MSH3: variants seen among roughly 807,000 people sequenced by gnomAD.
The protein encoded by MSH3 is DNA mismatch repair protein Msh3.
In MSH3, 106 loss-of-function variants were observed where a neutral mutation model predicts 123.3. The ratio of observed to expected loss-of-function variants is 0.86; its 90% CI spans 0.73 to 1.01. MSH3 has a LOEUF of 1.01. MSH3 is among the 50% of genes least tolerant of loss of function. MSH3 has a pLI of 0.00. For synonymous variants in MSH3, 515 were observed against 481.4 expected (o/e 1.07, Z -0.91); for missense variants, 1,459 against 1,347.6 (o/e 1.08, Z -1.29).
rs1360794165 is a variant in MSH3, at chr5:80,761,610, C to T, written c.1828C>T (p.Gln610Ter). 1 of 1,613,910 alleles carries T rather than the reference C, an allele frequency of 6.2e-7. No homozygotes were observed. ...VLHSESSVFG[Q>*]IENHLRKLPD... ...CCATTCAGAATCTAGTGTGTTTGGT[C>T]AGATAGAAAATCATCTACGTAAATT... is the stretch of plus-strand genomic sequence containing the variant. Residue 610 changes from glutamine to a stop codon, truncating the protein, a stop_gained, in exon 13 of 24, where the codon CAG (glutamine) becomes TAG (stop). Transcript: ENST00000265081. LOFTEE classifies it high-confidence loss of function.
At chr5:80,685,381 G>C (rs138633985) in intron 8 of MSH3, among the ~76,000 whole-genome samples, 1 of 151,506 alleles carries the variant, frequency 6.6e-6, no homozygotes, top group African/African-American at 2.4e-5. Flanking sequence ...GGATTTCTTC[G>C]TGGTTCAATC....
intron 13 of MSH3, among the ~76,000 whole-genome samples, chr5:80,765,433 C>T (rs1404592593): frequency 6.6e-6 from 1 of 152,160 alleles, no homozygotes; most frequent in Non-Finnish European, 1.5e-5. Flanking sequence ...CCTCATGATA[C>T]ACTTAGAATT....
chr5:80,804,203 C>T (rs537656779), intron 19 of MSH3, among the ~76,000 whole-genome samples: 2 of 152,240 alleles, frequency 1.3e-5, no homozygotes, highest in East Asian at 3.9e-4. Flanking sequence ...AATATCTTTC[C>T]CTTTTTGTGT....
chr5:80,753,110 G>A (rs1360152497), intron 12 of MSH3, among the ~76,000 whole-genome samples: 1 of 152,098 alleles, frequency 6.6e-6, no homozygotes, highest in Non-Finnish European at 1.5e-5. Context: ...TTTTTATAAT[G>A]TACTGCTATT....
At chr5:80,868,963 A>G (rs997975736) in intron 22 of MSH3, among the ~76,000 whole-genome samples, 3 of 152,080 alleles carry the variant, frequency 2.0e-5, no homozygotes, top group African/African-American at 7.2e-5. Flanking sequence ...CCTCTTCTGT[A>G]TGAGGTAGAG....
At chr5:80,712,260 C>CT (rs1437171189) in intron 8 of MSH3, among the ~76,000 whole-genome samples, 1 of 152,086 alleles carries the variant, frequency 6.6e-6, no homozygotes, top group Non-Finnish European at 1.5e-5. Context: ...TTTTTCTCTT[C>CT]TTTCTCTTTT....
At chr5:80,751,351 C>T (rs1418310216) in intron 12 of MSH3, among the ~76,000 whole-genome samples, 1 of 152,084 alleles carries the variant, frequency 6.6e-6, no homozygotes, top group Non-Finnish European at 1.5e-5. Flanking sequence ...CATGAGACCT[C>T]GGAATAAACA....
At chr5:80,856,428 A>G (rs542720796) in intron 21 of MSH3, among the ~76,000 whole-genome samples, 3 of 151,798 alleles carry the variant, frequency 2.0e-5, no homozygotes, top group Non-Finnish European at 2.9e-5. Context: ...GGAAACGATC[A>G]TTCTCAGCAA....
chr5:80,803,371 C>T (rs972255000), intron 19 of MSH3, among the ~76,000 whole-genome samples: 8 of 151,816 alleles, frequency 5.3e-5, no homozygotes, highest in Non-Finnish European at 7.4e-5. Context: ...TGTATGCCTT[C>T]GTTTGAGAAA....
intron 21 of MSH3, among the ~76,000 whole-genome samples, chr5:80,863,595 C>T (rs245342): frequency 0.57 from 85,665 of 151,024 alleles, 24,953 homozygotes; most frequent in East Asian, 0.74. Flanking sequence ...GGCGTAAACC[C>T]GGGAGGCGGA....
Position 80,654,695 on chromosome 5 carries a change from G to A in MSH3, c.-33G>A, listed in dbSNP as rs980384648. Reference sequence around the variant, plus strand: ...GCCGCGGGCTCGCGCTCCTCGCCAGGCCCTGCCGCCGGGCTGCCATCCTTG... The same window carrying A: ...GCCGCGGGCTCGCGCTCCTCGCCAGACCCTGCCGCCGGGCTGCCATCCTTG... On this transcript the variant is annotated 5_prime_UTR_variant, in exon 1 of 24. Transcript: ENST00000265081. 9 of 1,569,670 alleles carry A rather than the reference G, an allele frequency of 5.7e-6. No individual in the cohort carries two copies. Among genetic ancestry groups the A allele is most frequent in the South Asian group, 1.1e-5 (1 of 88,636 alleles).
chr5:80,728,878 A>C lies in MSH3; in HGVS notation c.1481A>C (p.Asn494Thr), dbSNP rs747887435. 2 of 1,608,074 alleles carry C rather than the reference A, an allele frequency of 1.2e-6. No individual in the cohort carries two copies. The highest frequency in any genetic ancestry group is 1.7e-6 in the Non-Finnish European group (2 of 1,174,856). ...TCTCAAATTATTTCTGGCATTGTTA[A>C]CTTAGAGAAGCCTGTGATTTGCTCT... The part of the protein sequence containing the change: ...KGSQIISGIV[N>T]LEKPVICSLA... The change falls in exon 10 of 24, where the codon AAC (asparagine) becomes ACC (threonine). Residue 494 changes from asparagine (N) to threonine (T), a missense_variant. Asn to Thr is a moderately conservative substitution (Grantham distance 65). Transcript: ENST00000265081.
At chr5:80,803,412 ATTTTTTTTCAG>A (rs956930297) in intron 19 of MSH3, among the ~76,000 whole-genome samples, 7 of 149,472 alleles carry the variant, frequency 4.7e-5, no homozygotes, top group Admixed American at 4.7e-4. Context: ...CCATTTTTAA[ATTTTTTTTCAG>A]TTTTTTTCCT....
intron 8 of MSH3, among the ~76,000 whole-genome samples, chr5:80,683,845 T>G (rs1750024580): frequency 6.7e-6 from 1 of 150,320 alleles, no homozygotes; most frequent in Non-Finnish European, 1.5e-5. Context: ...CTTTAATCCA[T>G]TTTTGATTTG....
chr5:80,672,612 A>G, intron 5 of MSH3, 129 bp from the exon 6 acceptor site: 1 of 838,888 alleles, frequency 1.2e-6, no homozygotes, highest in Non-Finnish European at 2.0e-6. Context: ...AACTCCTTTA[A>G]ACCCTACATC....
chr5:80,682,596 T>G (rs1429302758), intron 8 of MSH3, among the ~76,000 whole-genome samples: 3 of 152,078 alleles, frequency 2.0e-5, no homozygotes, highest in African/African-American at 7.2e-5. Context: ...AAGTTTTTTG[T>G]AGGTACATAA....
intron 8 of MSH3, among the ~76,000 whole-genome samples, chr5:80,689,701 C>T (rs977185570): frequency 4.7e-5 from 7 of 149,500 alleles, no homozygotes; most frequent in South Asian, 2.1e-4. Context: ...ATATCCCCAA[C>T]GGAAGACCGA....
intron 8 of MSH3, among the ~76,000 whole-genome samples, chr5:80,710,647 C>T (rs1459834886): frequency 6.6e-6 from 1 of 152,118 alleles, no homozygotes; most frequent in East Asian, 1.9e-4. Flanking sequence ...CCTTGACCTG[C>T]TTGTTAACTG....
chr5:80,735,677 C>T (rs529705002), intron 10 of MSH3, among the ~76,000 whole-genome samples: 6 of 151,964 alleles, frequency 3.9e-5, no homozygotes, highest in East Asian at 1.9e-4. Context: ...GGCGACAGAG[C>T]GAGACTCCAT....
Sources: gnomAD v4.1 joint callset for allele counts (sites outside exome capture counted in the v4.1 genomes callset) on GRCh38, gnomAD v4.1.1 for gene constraint, MANE v1.5 for transcripts, NCBI Gene and HGNC (gene_info 2026-07-23, HGNC 2026-07-21) for gene names.